The following NR4A2 variants were observed in gnomAD, a reference collection of about 807,000 sequenced individuals.
NR4A2 encodes NGFI-B/nur77 beta-type transcription factor homolog.
NR4A2 carries 1 observed loss-of-function variant against 50.5 expected under a neutral mutation model. The ratio of observed to expected loss-of-function variants is 0.02; its 90% confidence interval spans 0.01 to 0.09. The LOEUF (loss-of-function observed/expected upper bound fraction) is 0.09, where lower values mean the gene tolerates loss of function less well. Ranked by LOEUF, NR4A2 falls within the 10% of genes least tolerant of loss-of-function variation. The pLI, the probability that NR4A2 is intolerant of heterozygous loss-of-function variation, is 1.00. For missense variants in NR4A2, 613 were observed against 777.3 expected (o/e 0.79, Z 2.51); for synonymous variants, 328 against 309.4 (o/e 1.06, Z -0.63).
At chr2:156,330,250 T>A (rs1686863041) in intron 2 of NR4A2, 62 bp from the exon 3 acceptor site, 3 of 1,592,578 alleles carry the variant, frequency 1.9e-6, no homozygotes, top group African/African-American at 1.3e-5. Context: ...TCTCCCGGGC[T>A]CGGGTACACC....
Position 156,329,132 on chromosome 2 carries a change from C to T in NR4A2, c.864+191G>A, listed in dbSNP as rs555177019. 1.8e-4 allele frequency among the ~76,000 whole-genome samples: 27 copies of T among 152,358 alleles called. No individual in the cohort carries two copies. The highest frequency in any genetic ancestry group is 5.8e-4 in the African/African-American group (24 of 41,592). The stretch of plus-strand genomic sequence containing the variant: ...CTGGCCTCCCAGTCTTTCTGCTTCC[C>T]TTTCTCAGACACCCGGAAGTCCCCG... On this transcript the variant is annotated intron_variant, in intron 3 of 7. Coordinates refer to ENST00000339562, the MANE Select transcript of NR4A2 (RefSeq NM_006186.4). The surrounding 1 kb of genome is among the most constrained non-coding windows in gnomAD (Gnocchi z 7.5).
chr2:156,326,658 T>C lies in NR4A2; in HGVS notation c.1361+60A>G, dbSNP rs932544048. On this transcript the variant is annotated intron_variant, in intron 6 of 7. Transcript: ENST00000339562. The surrounding 1 kb of genome is among the most constrained non-coding windows in gnomAD (Gnocchi z 4.2). ...CCTCTGGTTTCCCTTCCTCCCTTTCTTTTCCTTTCTTGATTTCTCTCACAG... is the reference window on the plus strand; with the variant it reads ...CCTCTGGTTTCCCTTCCTCCCTTTCCTTTCCTTTCTTGATTTCTCTCACAG... 1.3e-5 allele frequency: 20 copies of C among 1,569,830 alleles called. No homozygotes were observed. Among genetic ancestry groups the C allele is most frequent in the Admixed American group, 1.7e-5 (1 of 59,816 alleles).
In NR4A2 at chr2:156,326,502, G is replaced by A. The variant is rs1686648042; in HGVS notation, c.1362-174C>T. Among the ~76,000 whole-genome samples the A allele has an allele frequency of 6.6e-6, 1 of 152,052 alleles. No individual in the cohort carries two copies. The highest frequency in any genetic ancestry group is 2.4e-5 in the African/African-American group (1 of 41,406). On this transcript the variant is annotated intron_variant, in intron 6 of 7. Transcript: ENST00000339562. This position sits in a 1 kb window ranked among gnomAD's most constrained non-coding sequence, Gnocchi z 4.2. ...GTTTAATTTCATAACAATCAAGAAC[G>A]CCCCCTATCCCACCTCCATTCCATT...
chr2:156,330,732 G>T lies in NR4A2; in HGVS notation c.-67C>A, dbSNP rs934519422. 10 of 1,256,528 alleles carry T rather than the reference G, an allele frequency of 8.0e-6. No homozygotes were observed. In the Admixed American group the frequency reaches 1.1e-4, roughly 14 times the overall value. 77.8% of individuals were successfully genotyped at this position (1,256,528 alleles called of 1,614,324 possible). ...TGGACAGTGTCGTAATTCAATGAAGGACAAAGTTTCCAAGATTTTTAGAAA... is the reference window on the plus strand; with the variant it reads ...TGGACAGTGTCGTAATTCAATGAAGTACAAAGTTTCCAAGATTTTTAGAAA... On this transcript the variant is annotated 5_prime_UTR_variant, in exon 2 of 8. Coordinates refer to ENST00000339562, the MANE Select transcript of NR4A2 (RefSeq NM_006186.4).
chr2:156,325,355 T>C lies in NR4A2; in HGVS notation c.*389A>G. ...GTGTGTGTGTGTGTGTATGTGTGTG[T>C]GTGTTACATTTGTCTGAACTGCAAC... On this transcript the variant is annotated 3_prime_UTR_variant, in exon 8 of 8. Transcript: ENST00000339562. The C allele has an allele frequency of 3.1e-6, 1 of 322,636 alleles. No homozygotes were observed. Among genetic ancestry groups the C allele is most frequent in the Non-Finnish European group, 6.1e-6 (1 of 165,176 alleles). 20.0% of individuals were successfully genotyped at this position (322,636 alleles called of 1,614,324 possible).
At position 156,332,519 on chromosome 2, in the gene NR4A2, G is replaced by C. The variant is rs755057457; in HGVS notation, c.-166C>G. On this transcript the variant is annotated 5_prime_UTR_variant, in exon 1 of 8. Coordinates refer to ENST00000339562, the MANE Select transcript of NR4A2 (RefSeq NM_006186.4). ...CGTCTGTCTTCATTCATTCAACTCTGCCGAAGTGCAGTTCCCTCTGGGAGC... is the reference window on the plus strand; with the variant it reads ...CGTCTGTCTTCATTCATTCAACTCTCCCGAAGTGCAGTTCCCTCTGGGAGC... 45 of 1,289,024 alleles carry C rather than the reference G, an allele frequency of 3.5e-5. No individual in the cohort carries two copies. In the Middle Eastern group the frequency reaches 1.3e-3, roughly 37 times the overall value. 79.8% of individuals were successfully genotyped at this position (1,289,024 alleles called of 1,614,324 possible).
In NR4A2 at chr2:156,328,608, T is replaced by C; in HGVS notation, c.865-75A>G. Reference sequence around the variant, plus strand: ...TCAGGCAACTCGGAGAAAATTTCTGTTATGTGACTGGGGTCTACGATTCCT... The same window carrying C: ...TCAGGCAACTCGGAGAAAATTTCTGCTATGTGACTGGGGTCTACGATTCCT... On this transcript the variant is annotated intron_variant, in intron 3 of 7. Transcript: ENST00000339562. This position sits in a 1 kb window ranked among gnomAD's most constrained non-coding sequence, Gnocchi z 4.9. The C allele has an allele frequency of 6.3e-7, 1 of 1,586,028 alleles. No individual in the cohort carries two copies. Among genetic ancestry groups the C allele is most frequent in the Middle Eastern group, 1.9e-4 (1 of 5,140 alleles).
intron 5 of NR4A2, among the ~76,000 whole-genome samples, chr2:156,327,138 C>A (rs994006265): frequency 6.6e-6 from 1 of 152,144 alleles, no homozygotes; most frequent in African/African-American, 2.4e-5. Flanking sequence ...TCCATACAGA[C>A]TAAATACAGT....
rs780157958 is a variant in NR4A2 at position 156,329,196 on chromosome 2, C to A, written c.864+127G>T. The A allele has an allele frequency of 1.5e-6, 2 of 1,374,022 alleles. No individual in the cohort carries two copies. The highest frequency in any genetic ancestry group is 1.0e-6 in the Non-Finnish European group (1 of 996,808). 85.1% of individuals were successfully genotyped at this position (1,374,022 alleles called of 1,614,324 possible). On this transcript the variant is annotated intron_variant, in intron 3 of 7. Transcript: ENST00000339562. The surrounding 1 kb of genome is among the most constrained non-coding windows in gnomAD (Gnocchi z 7.5). Reference sequence around the variant, plus strand: ...TCTCCTGCAGGGCAGCTTCGGCGGACCCCGGAGAGCTGGGCAGTCCCGGGA... The same window carrying A: ...TCTCCTGCAGGGCAGCTTCGGCGGAACCCGGAGAGCTGGGCAGTCCCGGGA...
chr2:156,327,953 T>C lies in NR4A2; in HGVS notation c.1056A>G (p.Pro352=), dbSNP rs1419316356. The change falls in exon 5 of 8, where the codon CCA becomes CCG. Residue 352 remains proline, a synonymous_variant. Coordinates refer to ENST00000339562, the MANE Select transcript of NR4A2 (RefSeq NM_006186.4). ...RGRLPSKPKS[P]QEPSPPSPPV... ...GGGGCGAAGGGGGAGAGGGCTCCTG[T>C]GGGCTCTTCGGTTTCGAGGGCAAAC... 3 of 1,599,508 alleles carry C rather than the reference T, an allele frequency of 1.9e-6. No individual in the cohort carries two copies. The Admixed American group carries it at 5.1e-5, about 27-fold the overall frequency.
rs113276990 is a variant in NR4A2, at chr2:156,328,300, G to C, written c.994+104C>G. 3 of 1,569,182 alleles carry C rather than the reference G, an allele frequency of 1.9e-6. No individual in the cohort carries two copies. In the African/African-American group the frequency reaches 4.1e-5, roughly 21 times the overall value. On this transcript the variant is annotated intron_variant, in intron 4 of 7. Transcript: ENST00000339562. The surrounding 1 kb of genome is among the most constrained non-coding windows in gnomAD (Gnocchi z 4.9). ...GGGTCCTGGAGGCCATACTGAGGGG[G>C]AGTCGGAGATCCCCAGCACCGGGAA...
At position 156,330,074 on chromosome 2, in the gene NR4A2, T is replaced by G; in HGVS notation, c.113A>C (p.Glu38Ala). Residue 38 changes from glutamate to alanine, a missense_variant, in exon 3 of 8, where the codon GAG becomes GCG. Glu to Ala is a moderately radical substitution (Grantham distance 107). This residue lies in a region of NR4A2 where 61 missense variants were observed against 96.4 expected (regional missense o/e 0.63). Transcript: ENST00000339562. ...GAGGTCCATGCTAAACTTGACAAACTCTGGAGTTAAGAAATCGGAGCTGTA... is the reference window on the plus strand; with the variant it reads ...GAGGTCCATGCTAAACTTGACAAACGCTGGAGTTAAGAAATCGGAGCTGTA... Reference protein sequence around the residue: ...GEYSSDFLTPEFVKFSMDLTN... With the variant: ...GEYSSDFLTPAFVKFSMDLTN... The G allele has an allele frequency of 6.2e-7, 1 of 1,614,132 alleles. No homozygotes were observed. The highest frequency in any genetic ancestry group is 1.1e-5 in the South Asian group (1 of 91,084).
chr2:156,328,408 T>C lies in NR4A2; in HGVS notation c.990A>G (p.Lys330=), dbSNP rs1199766117. The C allele has an allele frequency of 1.2e-6, 2 of 1,614,168 alleles. No homozygotes were observed. The change falls in exon 4 of 8, where the codon AAA becomes AAG. Residue 330 remains lysine (K), a synonymous_variant. Coordinates refer to ENST00000339562, the MANE Select transcript of NR4A2 (RefSeq NM_006186.4). The surrounding 1 kb of genome is among the most constrained non-coding windows in gnomAD (Gnocchi z 4.9). ...FQKCLAVGMV[K]EVVRTDSLKG... is the part of the protein sequence containing the mutation. ...CGGCAGCTCCCCTCAGCCTACCTTC[T>C]TTGACCATCCCAACAGCCAGGCACT...
rs530263388 is a variant in NR4A2, at chr2:156,328,565, T to C, written c.865-32A>G. 6.2e-7 allele frequency: 1 copy of C among 1,614,032 alleles called. No individual in the cohort carries two copies. Among genetic ancestry groups the C allele is most frequent in the African/African-American group, 1.3e-5 (1 of 75,044 alleles). On this transcript the variant is annotated intron_variant, in intron 3 of 7. Coordinates refer to ENST00000339562, the MANE Select transcript of NR4A2 (RefSeq NM_006186.4). This position sits in a 1 kb window ranked among gnomAD's most constrained non-coding sequence, Gnocchi z 4.9. Reference sequence around the variant, plus strand: ...AAGGAGACAATATAGACCAACATTTTTTTTCTTCTTTTGAAAATCAGGCAA... The same window carrying C: ...AAGGAGACAATATAGACCAACATTTCTTTTCTTCTTTTGAAAATCAGGCAA...
chr2:156,325,696 C>G lies in NR4A2; in HGVS notation c.*48G>C. ...GCCCATGTGACTTGCCCCCTCTTGA[C>G]AGTTTCCATTATCATTCCAGTTCCT... On this transcript the variant is annotated 3_prime_UTR_variant, in exon 8 of 8. Transcript: ENST00000339562. 5 of 1,612,096 alleles carry G rather than the reference C, an allele frequency of 3.1e-6. No homozygotes were observed. The highest frequency in any genetic ancestry group is 4.2e-6 in the Non-Finnish European group (5 of 1,179,232).
At chr2:156,330,309 G>C in intron 2 of NR4A2, 121 bp from the exon 3 acceptor site, 1 of 1,140,828 alleles carries the variant, frequency 8.8e-7, no homozygotes, top group Admixed American at 2.0e-5. Context: ...GTAGGGGCGC[G>C]AGAGGAAAGG....
At position 156,327,899 on chromosome 2, in the gene NR4A2, C is replaced by A; in HGVS notation, c.1110G>T (p.Arg370Ser). The A allele has an allele frequency of 6.3e-7, 1 of 1,595,440 alleles. No homozygotes were observed. The highest frequency in any genetic ancestry group is 2.3e-5 in the East Asian group (1 of 44,364). The change falls in exon 5 of 8, where the codon AGG (arginine) becomes AGT (serine). Residue 370 changes from arginine to serine, a missense_variant. By Grantham distance (110) the Arg-to-Ser change is moderately radical (BLOSUM62 -1). This residue lies in a region of NR4A2 where 250 missense variants were observed against 311.3 expected (regional missense o/e 0.80). Transcript: ENST00000339562. ...PPVSLISALV[R>S]AHVDSNPAMT... The stretch of plus-strand genomic sequence containing the variant: ...TAGCCGGGTTGGAGTCGACATGGGC[C>A]CTGACGAGGGCACTGATCAGACTCA...
At position 156,328,683 on chromosome 2, in the gene NR4A2, C is replaced by G. The variant is rs1448664678; in HGVS notation, c.865-150G>C. On this transcript the variant is annotated intron_variant, in intron 3 of 7. Coordinates refer to ENST00000339562, the MANE Select transcript of NR4A2 (RefSeq NM_006186.4). The surrounding 1 kb of genome is among the most constrained non-coding windows in gnomAD (Gnocchi z 4.9). ...AATTCCATTTTATTTTTTTCTCTTC[C>G]TTTTCTTTCTTTCTTTTCTTTTTTC... The G allele has an allele frequency of 9.7e-6, 10 of 1,029,998 alleles. No homozygotes were observed. The East Asian group carries it at 2.1e-4, about 21-fold the overall frequency. 63.8% of individuals were successfully genotyped at this position (1,029,998 alleles called of 1,614,324 possible). A position where few individuals can be genotyped will look rare whatever the true frequency, so the allele number is the denominator to read the frequency against.
At position 156,326,696 on chromosome 2, in the gene NR4A2, G is replaced by A. The variant is rs774288613; in HGVS notation, c.1361+22C>T. ...ATTTCTCTCACAGCCTCCCTGGATT[G>A]TCTCCCTCCCTCCCTTATTACCTGT... On this transcript the variant is annotated intron_variant, in intron 6 of 7. Transcript: ENST00000339562. The surrounding 1 kb of genome is among the most constrained non-coding windows in gnomAD (Gnocchi z 4.2). 9 of 1,513,696 alleles carry A rather than the reference G, an allele frequency of 5.9e-6. No homozygotes were observed. In the African/African-American group the frequency reaches 1.5e-4, roughly 25 times the overall value. 93.8% of individuals were successfully genotyped at this position (1,513,696 alleles called of 1,614,324 possible).
Sources: allele counts gnomAD v4.1 joint callset (sites outside exome capture counted in the v4.1 genomes callset), GRCh38; gene constraint gnomAD v4.1.1; regional missense constraint gnomAD v4.1.1; non-coding constraint Gnocchi (gnomAD v3.1); transcripts MANE v1.5; gene names NCBI Gene and HGNC (gene_info 2026-07-23, HGNC 2026-07-21).